MATCAP1: variants seen among roughly 807,000 people sequenced by gnomAD.
MATCAP1 encodes microtubule-associated tyrosine carboxypeptidase 1.
the MATCAP1 span, chr16:67,178,971 G>C: frequency 6.9e-6 from 3 of 433,672 alleles, no homozygotes; most frequent in Admixed American, 7.8e-5. Context: ...ATAGTGGTTA[G>C]TGCCCTGCAC....
the MATCAP1 span, among the ~76,000 whole-genome samples, chr16:67,182,182 G>A: frequency 6.6e-6 from 1 of 151,224 alleles, no homozygotes; most frequent in South Asian, 2.1e-4. Flanking sequence ...CCGGGAGGCG[G>A]AGTTTGCGGT....
the MATCAP1 span, among the ~76,000 whole-genome samples, chr16:67,183,014 A>G: frequency 2.0e-5 from 3 of 152,174 alleles, no homozygotes; most frequent in African/African-American, 7.2e-5. Flanking sequence ...TCAATAAATA[A>G]ATGAATCCAA....
the MATCAP1 span, among the ~76,000 whole-genome samples, chr16:67,180,888 G>A: frequency 6.6e-6 from 1 of 152,162 alleles, no homozygotes; most frequent in Non-Finnish European, 1.5e-5. Context: ...TTGAGACAGG[G>A]TCTCACTCTG....
chr16:67,178,120 G>T, the MATCAP1 span: 1 of 1,607,476 alleles, frequency 6.2e-7, no homozygotes, highest in East Asian at 2.2e-5. Context: ...GGGAGGGCAG[G>T]AGGGCGGTGA....
chr16:67,178,089 T>G, the MATCAP1 span: 2 of 1,613,772 alleles, frequency 1.2e-6, no homozygotes, highest in Admixed American at 3.3e-5. Context: ...CAGGTACACC[T>G]GGTCCTTGCT....
At chr16:67,179,932 C>T in the MATCAP1 span, 1 of 1,614,210 alleles carries the variant, frequency 6.2e-7, no homozygotes, top group African/African-American at 1.3e-5. This position sits in a 1 kb window ranked among gnomAD's most constrained non-coding sequence, Gnocchi z 5.2. Flanking sequence ...CAAACTTCTC[C>T]AGAACAGCCT....
chr16:67,183,182 A>T, the MATCAP1 span: 1 of 152,050 alleles, frequency 6.6e-6, no homozygotes, highest in South Asian at 2.1e-4. Flanking sequence ...CTAACTGTAC[A>T]GTTTTTTGGA....
the MATCAP1 span, chr16:67,183,680 T>C: frequency 6.5e-6 from 1 of 153,990 alleles, no homozygotes; most frequent in East Asian, 1.9e-4. Context: ...GAAGAGCCAA[T>C]GGGGAACCAG....
chr16:67,180,141 TG>T, the MATCAP1 span: 1 of 1,614,186 alleles, frequency 6.2e-7, no homozygotes, highest in Non-Finnish European at 8.5e-7. Flanking sequence ...GTAATGGGAC[TG>T]GAAGAACTTG....
chr16:67,176,219 C>G, the MATCAP1 span: 4 of 152,934 alleles, frequency 2.6e-5, no homozygotes, highest in African/African-American at 9.7e-5. This position sits in a 1 kb window ranked among gnomAD's most constrained non-coding sequence, Gnocchi z 4.3. Flanking sequence ...CTGCTCCCAG[C>G]CACAGGAAGT....
At chr16:67,182,042 G>C in the MATCAP1 span, among the ~76,000 whole-genome samples, 1 of 152,156 alleles carries the variant, frequency 6.6e-6, no homozygotes, top group Admixed American at 6.5e-5. Context: ...CCTGAGGTCG[G>C]GAGTTCGAGA....
chr16:67,176,703 C>A, the MATCAP1 span: 4 of 1,082,458 alleles, frequency 3.7e-6, no homozygotes, highest in Non-Finnish European at 5.1e-6. This position sits in a 1 kb window ranked among gnomAD's most constrained non-coding sequence, Gnocchi z 4.3. Flanking sequence ...CCTCCCAACA[C>A]CCCCAAGAAA....
chr16:67,181,117 C>G, the MATCAP1 span, among the ~76,000 whole-genome samples: 1 of 152,250 alleles, frequency 6.6e-6, no homozygotes, highest in East Asian at 1.9e-4. Context: ...GCCCCTTACT[C>G]GTGATTCTAA....
chr16:67,182,682 A>T, the MATCAP1 span, among the ~76,000 whole-genome samples: 1 of 152,228 alleles, frequency 6.6e-6, no homozygotes, highest in Non-Finnish European at 1.5e-5. Flanking sequence ...ATCAAACAGA[A>T]TATGTCCTCT....
chr16:67,180,283 C>A, the MATCAP1 span: 1 of 1,612,496 alleles, frequency 6.2e-7, no homozygotes, highest in Non-Finnish European at 8.5e-7. Context: ...AGGGTGCCCC[C>A]ACCTGGGTTC....
the MATCAP1 span, chr16:67,178,072 T>G: frequency 6.2e-7 from 1 of 1,614,072 alleles, no homozygotes; most frequent in East Asian, 2.2e-5. Context: ...ATGCGCACGA[T>G]GCCGTCCAGG....
chr16:67,178,555 G>A, the MATCAP1 span: 2 of 1,444,624 alleles, frequency 1.4e-6, no homozygotes, highest in Non-Finnish European at 1.9e-6. Context: ...TCGGGGACCC[G>A]CCTGCGAGCC....
the MATCAP1 span, among the ~76,000 whole-genome samples, chr16:67,181,075 T>C: frequency 9.8e-5 from 15 of 152,320 alleles, no homozygotes; most frequent in African/African-American, 3.6e-4. Context: ...ACTGGAATCC[T>C]CTCAGCCTGA....
the MATCAP1 span, chr16:67,178,702 A>G: frequency 2.8e-6 from 2 of 705,418 alleles, no homozygotes; most frequent in African/African-American, 1.7e-5. Context: ...CTCGCACCCA[A>G]GGATCCACAG....
Sources: allele counts gnomAD v4.1 joint callset (sites outside exome capture counted in the v4.1 genomes callset), GRCh38; gene constraint gnomAD v4.1.1; non-coding constraint Gnocchi (gnomAD v3.1); transcripts MANE v1.5; gene names NCBI Gene and HGNC (gene_info 2026-07-23, HGNC 2026-07-21).